The following ZNF804B variants were observed in gnomAD, a reference collection of about 807,000 sequenced individuals.
ZNF804B encodes the protein zinc finger 804B.
ZNF804B carries 80 observed loss-of-function variants against 101.4 expected under a neutral mutation model. The ratio of observed to expected loss-of-function variants is 0.79; its 90% confidence interval spans 0.66 to 0.95. The LOEUF is 0.95. ZNF804B is among the 40% of genes least tolerant of loss of function. The pLI is 0.00. For synonymous variants in ZNF804B, 622 were observed against 558.8 expected, an observed-to-expected ratio of 1.11 and a Z score of -1.59; for missense variants, 1,673 against 1,561.9, an observed-to-expected ratio of 1.07 and a Z score of -1.20.
intron 2 of ZNF804B, among the ~76,000 whole-genome samples, chr7:89,222,299 T>C (rs575069430): frequency 6.6e-5 from 10 of 152,064 alleles, no homozygotes; most frequent in African/African-American, 2.2e-4. Context: ...TCCTCATTTT[T>C]CATTTTGCAT....
At chr7:88,935,533 AT>A (rs58179904) in intron 1 of ZNF804B, among the ~76,000 whole-genome samples, 6 of 150,778 alleles carry the variant, frequency 4.0e-5, no homozygotes, top group East Asian at 4.0e-4. Flanking sequence ...TTTTTTATTA[AT>A]TTTTTTTTAA....
intron 1 of ZNF804B, among the ~76,000 whole-genome samples, chr7:89,196,770 A>G (rs1255576184): frequency 6.6e-6 from 1 of 152,122 alleles, no homozygotes; most frequent in Non-Finnish European, 1.5e-5. Flanking sequence ...ACTTAAACAA[A>G]ATAACAGGAA....
chr7:89,222,096 T>G (rs1373826819), intron 2 of ZNF804B, among the ~76,000 whole-genome samples: 1 of 151,932 alleles, frequency 6.6e-6, no homozygotes, highest in Non-Finnish European at 1.5e-5. Flanking sequence ...AAGCTAACTG[T>G]GTACTCAAGA....
intron 1 of ZNF804B, among the ~76,000 whole-genome samples, chr7:89,004,655 T>C (rs1044598707): frequency 2.0e-5 from 3 of 151,888 alleles, no homozygotes; most frequent in African/African-American, 7.2e-5. Context: ...TTTTAGTGGT[T>C]CTATTATTTG....
intron 1 of ZNF804B, among the ~76,000 whole-genome samples, chr7:88,812,961 A>C (rs1790813493): frequency 6.6e-6 from 1 of 152,048 alleles, no homozygotes; most frequent in Admixed American, 6.6e-5. Context: ...AAAAAAAAAA[A>C]GTTCTGGAGA....
At chr7:88,845,368 A>ATCC (rs1791358667) in intron 1 of ZNF804B, among the ~76,000 whole-genome samples, 1 of 151,908 alleles carries the variant, frequency 6.6e-6, no homozygotes, top group Non-Finnish European at 1.5e-5. Context: ...GTCCACCTGG[A>ATCC]TCTTAGTACA....
chr7:88,884,756 TA>T (rs1333268056), intron 1 of ZNF804B, among the ~76,000 whole-genome samples: 8 of 151,820 alleles, frequency 5.3e-5, no homozygotes, highest in East Asian at 1.9e-4. Context: ...TCTTTTGTCT[TA>T]AAAAAATTAA....
intron 2 of ZNF804B, among the ~76,000 whole-genome samples, chr7:89,269,254 C>T (rs1327844065): frequency 4.6e-5 from 7 of 152,102 alleles, no homozygotes; most frequent in Non-Finnish European, 1.5e-5. Flanking sequence ...TGATGTTCCC[C>T]TTCCTGTGTC....
At chr7:88,836,069 G>A (rs7805870) in intron 1 of ZNF804B, among the ~76,000 whole-genome samples, 71,319 of 151,678 alleles carry the variant, frequency 0.47, 19,243 homozygotes, top group African/African-American at 0.74. Context: ...GAAAGATACT[G>A]TATCAAAGGG....
chr7:89,135,263 A>G (rs562113398), intron 1 of ZNF804B, among the ~76,000 whole-genome samples: 68 of 152,212 alleles, frequency 4.5e-4, no homozygotes, highest in Admixed American at 1.1e-3. Context: ...TTTAATTTGC[A>G]TATTTCCATA....
At chr7:89,173,159 C>CT (rs1352178769) in intron 1 of ZNF804B, among the ~76,000 whole-genome samples, 1 of 152,108 alleles carries the variant, frequency 6.6e-6, no homozygotes, top group Non-Finnish European at 1.5e-5. Context: ...TAATCCCTGA[C>CT]TATGTGAAAC....
chr7:89,220,117 A>ATG lies in ZNF804B; in HGVS notation c.249+1823_249+1824insGT, dbSNP rs1491274640. On this transcript the variant is annotated intron_variant, in intron 2 of 3. Coordinates refer to ENST00000333190, the MANE Select transcript of ZNF804B (RefSeq NM_181646.5). ...CGCACATATATATGTGTGTATATAC[A>ATG]TATATATACGCACACATATATGTGT... Among the ~76,000 whole-genome samples, 54 of 15,116 alleles carry ATG rather than the reference A, an allele frequency of 3.6e-3. 8 individuals are homozygous for ATG. Among genetic ancestry groups the ATG allele is most frequent in the African/African-American group, 0.016 (44 of 2,680 alleles). 9.9% of individuals were successfully genotyped at this position (15,116 alleles called of 152,430 possible).
At chr7:88,827,523 G>C (rs1015269926) in intron 1 of ZNF804B, among the ~76,000 whole-genome samples, 2 of 151,812 alleles carry the variant, frequency 1.3e-5, no homozygotes, top group African/African-American at 4.8e-5. Context: ...TGTCTTCATG[G>C]TGTTCCAGTC....
intron 1 of ZNF804B, among the ~76,000 whole-genome samples, chr7:88,917,142 G>A (rs1463316160): frequency 2.6e-5 from 4 of 151,958 alleles, no homozygotes; most frequent in African/African-American, 9.7e-5. Flanking sequence ...GCAGGTGTGT[G>A]TAATCCCAGC....
At chr7:88,925,636 A>C (rs1043417465) in intron 1 of ZNF804B, among the ~76,000 whole-genome samples, 2 of 152,252 alleles carry the variant, frequency 1.3e-5, no homozygotes, top group Non-Finnish European at 1.5e-5. Context: ...TAAAAAGTCG[A>C]TGATAATAGA....
chr7:88,939,428 G>A (rs555387306), intron 1 of ZNF804B, among the ~76,000 whole-genome samples: 1 of 151,954 alleles, frequency 6.6e-6, no homozygotes, highest in Admixed American at 6.6e-5. Flanking sequence ...AATATGGAGG[G>A]CCAACTGTAT....
chr7:89,139,347 G>A (rs1392923399), intron 1 of ZNF804B, among the ~76,000 whole-genome samples: 2 of 152,058 alleles, frequency 1.3e-5, no homozygotes, highest in Non-Finnish European at 2.9e-5. Context: ...GGTGTTAAAG[G>A]TTGTGGTGGC....
chr7:89,278,826 C>A (rs1389555737), intron 2 of ZNF804B, among the ~76,000 whole-genome samples: 1 of 151,452 alleles, frequency 6.6e-6, no homozygotes, highest in Non-Finnish European at 1.5e-5. Flanking sequence ...ATTGACTTGG[C>A]GATGCAGGCT....
intron 1 of ZNF804B, among the ~76,000 whole-genome samples, chr7:89,177,214 T>G (rs1791335984): frequency 6.6e-6 from 1 of 152,200 alleles, no homozygotes; most frequent in South Asian, 2.1e-4. Flanking sequence ...GGTTGTTTAT[T>G]TGAAGTTTAT....
Sources: allele counts gnomAD v4.1 joint callset (sites outside exome capture counted in the v4.1 genomes callset), GRCh38; gene constraint gnomAD v4.1.1; transcripts MANE v1.5; gene names NCBI Gene and HGNC (gene_info 2026-07-23, HGNC 2026-07-21).